Variants in SLC35A2 observed in about 807,000 individuals in gnomAD.
SLC35A2 encodes the protein UDP-galactose translocator.
In SLC35A2, 1 loss-of-function variant was observed where a neutral mutation model predicts 17.3. The observed-to-expected ratio is 0.06, with a 90% CI of 0.02 to 0.27. SLC35A2 has a LOEUF of 0.27. Among genes scored for constraint, SLC35A2 ranks in the 10% least tolerant of loss-of-function variants. The probability of loss-of-function intolerance (pLI) is 1.00; values close to 1 mark genes in which losing one functional copy is unlikely to be tolerated. For synonymous variants in SLC35A2, 161 were observed against 161.3 expected (o/e 1.00, Z 0.01); for missense variants, 191 against 339.3 (o/e 0.56, Z 3.43).
In SLC35A2 at chrX:48,903,246, G is replaced by A. The variant is rs1405007033; in HGVS notation, c.*192C>T. ...TAAGAGATAGTGTGGAGCTGGCAGG[G>A]GCTGGGGGGCTGAGCTGAGGTGGGT... On this transcript the variant is annotated 3_prime_UTR_variant, in exon 5 of 5. Coordinates refer to ENST00000247138, the MANE Select transcript of SLC35A2 (RefSeq NM_005660.3). The A allele has an allele frequency of 1.4e-5, 13 of 943,066 alleles. No individual in the cohort carries two copies. The East Asian group carries it at 4.4e-4, about 32-fold the overall frequency. 77.7% of individuals were successfully genotyped at this position (943,066 alleles called of 1,213,427 possible).
intron 3 of SLC35A2, chrX:48,905,849 A>T (rs1248254881): frequency 3.6e-6 from 1 of 274,271 alleles, no homozygotes; most frequent in Non-Finnish European, 6.4e-6. Flanking sequence ...AAATGAATCA[A>T]TAGCCACAAC....
chrX:48,904,241 C>T (rs2063468050), intron 4 of SLC35A2: 5 of 878,060 alleles, frequency 5.7e-6, no homozygotes, highest in East Asian at 1.3e-4. Context: ...TGATCCAGAG[C>T]GGTGGTAAGG....
upstream of SLC35A2, chrX:48,911,802 A>G: frequency 8.6e-7 from 1 of 1,167,064 alleles, no homozygotes; most frequent in Non-Finnish European, 1.1e-6. Context: ...TAGCCCCGGG[A>G]TTTCCAAATT....
intron 3 of SLC35A2, chrX:48,905,790 A>G (rs1446004679): frequency 9.4e-6 from 3 of 317,476 alleles, no homozygotes; most frequent in African/African-American, 8.0e-5. Flanking sequence ...CATCATCTAT[A>G]AAAGATGGCT....
In SLC35A2 at chrX:48,909,938, G is replaced by A. The variant is rs782424319; in HGVS notation, c.150C>T (p.Leu50=). The A allele has an allele frequency of 8.3e-7, 1 of 1,210,603 alleles. No individual in the cohort carries two copies. The highest frequency in any genetic ancestry group is 1.1e-6 in the Non-Finnish European group (1 of 894,765). ...LAVLVVQNAS[L]ILSIRYARTL... is the part of the protein sequence containing the mutation. ...TGCGGGCGTAGCGGATGCTGAGGAT[G>A]AGGGAGGCATTCTGGACCACCAGCA... Residue 50 remains leucine (L), a synonymous_variant, in exon 2 of 5, where the codon CTC becomes CTT. Transcript: ENST00000247138.
chrX:48,911,872 C>T (rs782406865), upstream of SLC35A2: 3 of 1,167,468 alleles, frequency 2.6e-6, no homozygotes, highest in Non-Finnish European at 3.4e-6. Context: ...CCCTACAGAG[C>T]TTCATCGGCC....
chrX:48,903,220 C>A lies in SLC35A2; in HGVS notation c.*218G>T. On this transcript the variant is annotated 3_prime_UTR_variant, in exon 5 of 5. Transcript: ENST00000247138. ...ACACATTTTATTTGCAAAAACTCAG[C>A]TAAGAGATAGTGTGGAGCTGGCAGG... 2 of 1,063,290 alleles carry A rather than the reference C, an allele frequency of 1.9e-6. No individual in the cohort carries two copies. Among genetic ancestry groups the A allele is most frequent in the Non-Finnish European group, 2.6e-6 (2 of 780,023 alleles). 87.6% of individuals were successfully genotyped at this position (1,063,290 alleles called of 1,213,427 possible). A position where few individuals can be genotyped will look rare whatever the true frequency, so the allele number is the denominator to read the frequency against.
At chrX:48,908,342 C>T (rs1221565660) in intron 2 of SLC35A2, among the ~76,000 whole-genome samples, 1 of 110,911 alleles carries the variant, frequency 9.0e-6, no homozygotes, top group Non-Finnish European at 1.9e-5. Flanking sequence ...TCTCTAACTC[C>T]TGACCTTGTG....
At chrX:48,904,301 TC>T in intron 4 of SLC35A2, 1 of 998,630 alleles carries the variant, frequency 1.0e-6, no homozygotes, top group Admixed American at 5.1e-5. Context: ...CAGGTAGGCA[TC>T]GGTCATTCCT....
At chrX:48,904,412 G>T in intron 4 of SLC35A2, 3 of 1,089,612 alleles carry the variant, frequency 2.8e-6, no homozygotes, top group Non-Finnish European at 3.6e-6. Context: ...AGGGCACAGG[G>T]TCGGGGAGGG....
chrX:48,903,281 G>C lies in SLC35A2; in HGVS notation c.*157C>G, dbSNP rs1186987501. 6 of 756,617 alleles carry C rather than the reference G, an allele frequency of 7.9e-6. No homozygotes were observed. Among genetic ancestry groups the C allele is most frequent in the Non-Finnish European group, 1.2e-5 (6 of 500,495 alleles). 62.4% of individuals were successfully genotyped at this position (756,617 alleles called of 1,213,427 possible). On this transcript the variant is annotated 3_prime_UTR_variant, in exon 5 of 5. Coordinates refer to ENST00000247138, the MANE Select transcript of SLC35A2 (RefSeq NM_005660.3). ...CTGAGCTGAGGTGGGTCATGAGAGA[G>C]CTTAGTCATGTTGGCCCTGGGTGGG...
In SLC35A2 at chrX:48,906,130, T is replaced by C. The variant is rs2063488250; in HGVS notation, c.426+262A>G. On this transcript the variant is annotated intron_variant, in intron 3 of 4. Coordinates refer to ENST00000247138, the MANE Select transcript of SLC35A2 (RefSeq NM_005660.3). ...ACCATTTCACAAAGCTGCCCACAAA[T>C]AGCCTAAAGCTTATCTGTCACCAAT... The C allele has an allele frequency of 7.0e-6, 3 of 430,339 alleles. No individual in the cohort carries two copies. In the East Asian group the frequency reaches 1.2e-4, roughly 17 times the overall value. The allele number at this position is 430,339 out of a possible 1,213,427, so 35.5% of individuals were successfully genotyped here.
intron 4 of SLC35A2, chrX:48,903,915 T>C: frequency 1.3e-6 from 1 of 770,030 alleles, no homozygotes. Flanking sequence ...AGAGTATGAT[T>C]GGTAGCTTTT....
chrX:48,908,690 T>C lies in SLC35A2; in HGVS notation c.274+1124A>G, dbSNP rs143922350. Among the ~76,000 whole-genome samples the C allele has an allele frequency of 7.1e-3, 801 of 112,159 alleles. 2 individuals are homozygous for C. Among genetic ancestry groups the C allele is most frequent in the Non-Finnish European group, 0.01 (545 of 53,221 alleles). ...AATGAGGACAAGCTGCTCCTCTGCA[T>C]TGCTAACCCATCTACCCCCACGGCC... On this transcript the variant is annotated intron_variant, in intron 2 of 4. Coordinates refer to ENST00000247138, the MANE Select transcript of SLC35A2 (RefSeq NM_005660.3).
At chrX:48,905,924 A>C in intron 3 of SLC35A2, 1 of 274,093 alleles carries the variant, frequency 3.6e-6, no homozygotes, top group East Asian at 6.9e-5. Flanking sequence ...CTGCACGTGA[A>C]TTCATTCATT....
At chrX:48,903,665 T>C in intron 4 of SLC35A2, 200 bp from the exon 5 acceptor site, 1 of 813,166 alleles carries the variant, frequency 1.2e-6, no homozygotes, top group Non-Finnish European at 1.7e-6. Context: ...ATTTGTTCAT[T>C]ACAGTTCCTT....
In SLC35A2 at chrX:48,905,331, C is replaced by T. The variant is rs1602338782; in HGVS notation, c.578G>A (p.Arg193Gln). Reference sequence around the variant, plus strand: ...TGCCCCAGGGTTCTGATCCAGTGGCCGTGGGCCTCCCCCACCGGCTTGCTG... The same window carrying T: ...TGCCCCAGGGTTCTGATCCAGTGGCTGTGGGCCTCCCCCACCGGCTTGCTG... Reference protein sequence around the residue: ...QAQQAGGGGPRPLDQNPGAGL... With the variant: ...QAQQAGGGGPQPLDQNPGAGL... The change falls in exon 4 of 5, where the codon CGG becomes CAG. Residue 193 changes from arginine (R) to glutamine (Q), a missense_variant. This residue lies in a region of SLC35A2 where 164 missense variants were observed against 315.3 expected (regional missense o/e 0.52). Coordinates refer to ENST00000247138, the MANE Select transcript of SLC35A2 (RefSeq NM_005660.3). 3.4e-6 allele frequency: 4 copies of T among 1,184,025 alleles called. No individual in the cohort carries two copies. The highest frequency in any genetic ancestry group is 3.1e-5 in the East Asian group (1 of 32,764).
At chrX:48,907,325 G>A (rs1429129873) in intron 2 of SLC35A2, among the ~76,000 whole-genome samples, 1 of 103,309 alleles carries the variant, frequency 9.7e-6, no homozygotes, top group Admixed American at 1.0e-4. Context: ...TCGGCTCACT[G>A]CAAGCTCCAC....
intron 2 of SLC35A2, among the ~76,000 whole-genome samples, chrX:48,908,137 G>C (rs1557043370): frequency 1.9e-5 from 2 of 104,958 alleles, no homozygotes; most frequent in African/African-American, 6.9e-5. Context: ...GTGGGTGGGT[G>C]AGGAGTCTTG....
Sources: gnomAD v4.1 joint callset for allele counts (sites outside exome capture counted in the v4.1 genomes callset) on GRCh38, gnomAD v4.1.1 for gene constraint, gnomAD v4.1.1 regional missense constraint, MANE v1.5 for transcripts, NCBI Gene and HGNC (gene_info 2026-07-23, HGNC 2026-07-21) for gene names.